The following ARHGAP24 variants were observed in gnomAD, a reference collection of about 807,000 sequenced individuals.
ARHGAP24 encodes rho GTPase-activating protein 24.
Under a neutral mutation model 76.4 loss-of-function variants are expected in ARHGAP24, and 50 were observed. The observed-to-expected ratio is 0.65, with a 90% CI of 0.52 to 0.83. ARHGAP24 has a LOEUF of 0.83. Ranked by LOEUF, ARHGAP24 falls within the 40% of genes least tolerant of loss-of-function variation. ARHGAP24 has a pLI of 0.00. For synonymous variants in ARHGAP24, 345 were observed against 323.3 expected (o/e 1.07, Z -0.72); for missense variants, 930 against 914.2 (o/e 1.02, Z -0.22).
chr4:85,496,053 CTCTT>C (rs1357729036), intron 1 of ARHGAP24, among the ~76,000 whole-genome samples: 3 of 152,176 alleles, frequency 2.0e-5, no homozygotes, highest in African/African-American at 4.8e-5. Context: ...GAATAGCGAA[CTCTT>C]TCTTTCAGTG....
chr4:85,642,082 T>A (rs1721545251), intron 2 of ARHGAP24, among the ~76,000 whole-genome samples: 1 of 151,840 alleles, frequency 6.6e-6, no homozygotes, highest in Admixed American at 6.6e-5. Context: ...GAAATGGGAG[T>A]CTTGTGACCT....
intron 2 of ARHGAP24, among the ~76,000 whole-genome samples, chr4:85,650,531 T>A (rs1449756571): frequency 1.3e-5 from 2 of 149,496 alleles, no homozygotes; most frequent in Non-Finnish European, 2.9e-5. Context: ...TCTAATCATA[T>A]CACTTAATGA....
At position 85,989,174 on chromosome 4, in the gene ARHGAP24, A is replaced by G. The variant is rs561381393; in HGVS notation, c.929-5409A>G. ...CGTACTGATCAGAAAAGAAAAAACA[A>G]TGTTACATTACCTATATCAGGTTTA... is the stretch of plus-strand genomic sequence containing the variant. On this transcript the variant is annotated intron_variant, in intron 8 of 9. Transcript: ENST00000395184. Among the ~76,000 whole-genome samples, 5 of 151,712 alleles carry G rather than the reference A, an allele frequency of 3.3e-5. No individual in the cohort carries two copies. In the South Asian group the frequency reaches 1.0e-3, roughly 31 times the overall value.
chr4:85,524,219 C>A (rs1454276821), intron 1 of ARHGAP24, among the ~76,000 whole-genome samples: 1 of 152,126 alleles, frequency 6.6e-6, no homozygotes, highest in East Asian at 1.9e-4. Context: ...CCAACCCCAC[C>A]ATTCTGTACC....
intron 1 of ARHGAP24, among the ~76,000 whole-genome samples, chr4:85,547,616 G>A (rs1325853614): frequency 6.6e-6 from 1 of 151,948 alleles, no homozygotes; most frequent in Non-Finnish European, 1.5e-5. Context: ...TTGTAATTTT[G>A]TGGAGATGGG....
chr4:85,939,252 T>C lies in ARHGAP24; in HGVS notation c.392-2814T>C, dbSNP rs113237895. 3.4e-3 allele frequency among the ~76,000 whole-genome samples: 512 copies of C among 152,312 alleles called. 6 individuals carry two copies. Among genetic ancestry groups the C allele is most frequent in the African/African-American group, 0.012 (490 of 41,574 alleles). ...TCACTTTTTAAAAGCACAAAAAATGTACATGATTTTTCTCAGTTGTAGAAT... is the reference window on the plus strand; with the variant it reads ...TCACTTTTTAAAAGCACAAAAAATGCACATGATTTTTCTCAGTTGTAGAAT... On this transcript the variant is annotated intron_variant, in intron 4 of 9. Transcript: ENST00000395184.
At chr4:85,869,618 CA>C (rs113663761) in intron 3 of ARHGAP24, among the ~76,000 whole-genome samples, 5 of 151,930 alleles carry the variant, frequency 3.3e-5, no homozygotes, top group African/African-American at 9.7e-5. Flanking sequence ...TAAGGGAGGA[CA>C]ATTTTTTTTC....
intron 3 of ARHGAP24, among the ~76,000 whole-genome samples, chr4:85,812,832 C>T (rs962646321): frequency 1.3e-5 from 2 of 152,172 alleles, no homozygotes; most frequent in Non-Finnish European, 2.9e-5. Flanking sequence ...AGGATAACAA[C>T]AAGGAACTGA....
chr4:85,936,296 T>G (rs1736630803), intron 4 of ARHGAP24, among the ~76,000 whole-genome samples: 1 of 152,192 alleles, frequency 6.6e-6, no homozygotes, highest in Admixed American at 6.5e-5. Flanking sequence ...TTCATTTATT[T>G]TCTATAATTG....
At chr4:85,814,224 C>T (rs10023429) in intron 3 of ARHGAP24, among the ~76,000 whole-genome samples, 58,395 of 151,750 alleles carry the variant, frequency 0.38, 11,353 homozygotes, top group East Asian at 0.43. Context: ...CATATCATTC[C>T]ACCCATTACC....
chr4:85,744,492 A>G (rs992944314), intron 3 of ARHGAP24, among the ~76,000 whole-genome samples: 4 of 152,216 alleles, frequency 2.6e-5, no homozygotes, highest in African/African-American at 9.7e-5. Context: ...GTACTCTTGG[A>G]GCACAAATTC....
intron 2 of ARHGAP24, among the ~76,000 whole-genome samples, chr4:85,629,950 T>G (rs956850767): frequency 9.2e-5 from 14 of 152,108 alleles, no homozygotes; most frequent in Admixed American, 3.9e-4. Flanking sequence ...TTTCTCTGCT[T>G]CTTCTTTGGT....
chr4:85,555,585 A>T (rs1726324091), intron 1 of ARHGAP24, among the ~76,000 whole-genome samples: 1 of 152,152 alleles, frequency 6.6e-6, no homozygotes, highest in South Asian at 2.1e-4. Context: ...TCTCCCACTC[A>T]AGTCCTGGCT....
chr4:85,748,159 C>T (rs1396965927), intron 3 of ARHGAP24, among the ~76,000 whole-genome samples: 1 of 152,222 alleles, frequency 6.6e-6, no homozygotes, highest in Non-Finnish European at 1.5e-5. Context: ...GTGCTTTTGG[C>T]TTTGATGTCT....
At chr4:85,753,306 C>A (rs1416957029) in intron 3 of ARHGAP24, among the ~76,000 whole-genome samples, 3 of 152,024 alleles carry the variant, frequency 2.0e-5, no homozygotes, top group Admixed American at 2.0e-4. Flanking sequence ...GCATAGTAGA[C>A]TTGGTACCAT....
chr4:85,601,177 G>A (rs1176847574), intron 2 of ARHGAP24, among the ~76,000 whole-genome samples: 1 of 151,918 alleles, frequency 6.6e-6, no homozygotes, highest in Non-Finnish European at 1.5e-5. Context: ...TTTCTCAACT[G>A]GAATGTAACT....
intron 3 of ARHGAP24, among the ~76,000 whole-genome samples, chr4:85,837,978 A>G (rs1026821037): frequency 6.6e-6 from 1 of 152,236 alleles, no homozygotes; most frequent in South Asian, 2.1e-4. Flanking sequence ...TACTCCCAGC[A>G]TCATTTGACT....
chr4:85,943,056 G>T (rs1008295006), intron 5 of ARHGAP24, among the ~76,000 whole-genome samples: 4 of 151,748 alleles, frequency 2.6e-5, no homozygotes, highest in Non-Finnish European at 1.5e-5. Context: ...CACTCTACAG[G>T]TATATTATTC....
intron 3 of ARHGAP24, among the ~76,000 whole-genome samples, chr4:85,831,969 G>A (rs1320981548): frequency 6.6e-6 from 1 of 151,590 alleles, no homozygotes; most frequent in East Asian, 1.9e-4. Flanking sequence ...ATTTTTAAAC[G>A]TAGGTTTTAT....
Sources: allele counts gnomAD v4.1 joint callset (sites outside exome capture counted in the v4.1 genomes callset), GRCh38; gene constraint gnomAD v4.1.1; transcripts MANE v1.5; gene names NCBI Gene and HGNC (gene_info 2026-07-23, HGNC 2026-07-21).